MMP12: variants seen among roughly 807,000 people sequenced by gnomAD.
The protein encoded by MMP12 is macrophage metalloelastase.
In MMP12, 51 loss-of-function variants were observed where a neutral mutation model predicts 45.2. The ratio of observed to expected loss-of-function variants is 1.13; its 90% CI spans 0.90 to 1.42. The LOEUF is 1.42. Ranked by LOEUF, MMP12 falls within the 40% of genes most tolerant of loss-of-function variation. The pLI is 0.00. For synonymous variants in MMP12, 210 were observed against 193.3 expected, an observed-to-expected ratio of 1.09 and a Z score of -0.72; for missense variants, 530 against 570.8, an observed-to-expected ratio of 0.93 and a Z score of 0.73.
At chr11:102,867,490 C>A in intron 5 of MMP12, 97 bp from the exon 6 acceptor site, 1 of 1,165,124 alleles carries the variant, frequency 8.6e-7, no homozygotes, top group Non-Finnish European at 1.2e-6. Flanking sequence ...TCTTAATGAA[C>A]ATTGCATCAA....
chr11:102,863,147 G>A lies in MMP12; in HGVS notation c.1366C>T (p.Gln456Ter). The A allele has an allele frequency of 6.2e-7, 1 of 1,611,754 alleles. No individual in the cohort carries two copies. The highest frequency in any genetic ancestry group is 8.5e-7 in the Non-Finnish European group (1 of 1,178,828). ...CTTTTCAGTGTTTTGGTGATACGTT[G>A]GAGTAGGAAGTCATATTCAAATTGG... is the stretch of plus-strand genomic sequence containing the variant. ...SNQFEYDFLLQRITKTLKSNS... is the reference protein window; with the variant it reads ...SNQFEYDFLL The change falls in exon 10 of 10, where the codon CAA (glutamine) becomes TAA (stop). Residue 456 changes from glutamine to a stop codon, truncating the protein, a stop_gained. Transcript: ENST00000571244. LOFTEE classifies it high-confidence loss of function.
At position 102,862,763 on chromosome 11, in the gene MMP12, A is replaced by T. The variant is rs1859315366; in HGVS notation, c.*337T>A. The T allele has an allele frequency of 6.2e-6, 1 of 162,590 alleles. No homozygotes were observed. The highest frequency in any genetic ancestry group is 2.4e-5 in the African/African-American group (1 of 41,878). 10.1% of individuals were successfully genotyped at this position (162,590 alleles called of 1,614,324 possible). A position where few individuals can be genotyped will look rare whatever the true frequency, so the allele number is the denominator to read the frequency against. ...TTTTTTTCAATTTTATTTGAGCCAA[A>T]ATATATATACTTAATTTTAGTTATG... On this transcript the variant is annotated 3_prime_UTR_variant, in exon 10 of 10. Transcript: ENST00000571244.
intron 4 of MMP12, among the ~76,000 whole-genome samples, chr11:102,871,001 A>T (rs1180466118): frequency 1.3e-5 from 2 of 152,172 alleles, no homozygotes; most frequent in Non-Finnish European, 2.9e-5. Context: ...GGCTGCCTGC[A>T]ATCTTAACAC....
At chr11:102,864,532 C>T (rs1859351244) in intron 8 of MMP12, among the ~76,000 whole-genome samples, 1 of 152,118 alleles carries the variant, frequency 6.6e-6, no homozygotes, top group Admixed American at 6.5e-5. Flanking sequence ...GGTGATTTGG[C>T]AACAGCATAG....
In MMP12 at chr11:102,867,413, A is replaced by T; in HGVS notation, c.788-20T>A. The T allele has an allele frequency of 1.9e-6, 3 of 1,591,794 alleles. No homozygotes were observed. In the East Asian group the frequency reaches 6.7e-5, roughly 36 times the overall value. On this transcript the variant is annotated intron_variant, in intron 5 of 9. Coordinates refer to ENST00000571244, the MANE Select transcript of MMP12 (RefSeq NM_002426.6). The stretch of plus-strand genomic sequence containing the variant: ...GGTCTCCTGAAAATACATTTCGAGA[A>T]GCATTAGTAAACAAAATCTGCATTG...
chr11:102,874,285 G>A (rs967622370), intron 1 of MMP12, among the ~76,000 whole-genome samples: 4 of 151,922 alleles, frequency 2.6e-5, no homozygotes, highest in East Asian at 1.9e-4. Flanking sequence ...GGTGGCTCCC[G>A]CCTGTAATCC....
intron 6 of MMP12, 48 bp downstream of exon 6, chr11:102,867,222 T>G (rs1859405322): frequency 6.8e-7 from 1 of 1,470,840 alleles, no homozygotes. Context: ...ACAAAAAAAA[T>G]TTAAAGGCAG....
At position 102,867,207 on chromosome 11, in the gene MMP12, T is replaced by G. The variant is rs200924525; in HGVS notation, c.911+63A>C. 1.9e-5 allele frequency: 27 copies of G among 1,415,014 alleles called. No homozygotes were observed. In the East Asian group the frequency reaches 6.8e-4, roughly 36 times the overall value. 87.7% of individuals were successfully genotyped at this position (1,415,014 alleles called of 1,614,324 possible). A position where few individuals can be genotyped will look rare whatever the true frequency, so the allele number is the denominator to read the frequency against. ...TCATTTTCAATTATTTTCCACTGTT[T>G]TCTGACAAAAAAAATTTAAAGGCAG... On this transcript the variant is annotated intron_variant, in intron 6 of 9. Coordinates refer to ENST00000571244, the MANE Select transcript of MMP12 (RefSeq NM_002426.6).
Position 102,874,971 on chromosome 11 carries a change from G to C in MMP12, c.-34C>G, listed in dbSNP as rs782208782. ...TCTAAACGGATCAATTCAGTTTACT[G>C]TGTTCCTTTCTAGCCTAAGTTCCTG... is the stretch of plus-strand genomic sequence containing the variant. On this transcript the variant is annotated 5_prime_UTR_variant, in exon 1 of 10. Coordinates refer to ENST00000571244, the MANE Select transcript of MMP12 (RefSeq NM_002426.6). 3 of 1,406,884 alleles carry C rather than the reference G, an allele frequency of 2.1e-6. No individual in the cohort carries two copies. Among genetic ancestry groups the C allele is most frequent in the Admixed American group, 2.0e-5 (1 of 51,044 alleles). 87.2% of individuals were successfully genotyped at this position (1,406,884 alleles called of 1,614,324 possible). A position where few individuals can be genotyped will look rare whatever the true frequency, so the allele number is the denominator to read the frequency against.
In MMP12 at chr11:102,863,066, AG is replaced by A; in HGVS notation, c.*33del. 7.3e-7 allele frequency: 1 copy of A among 1,373,936 alleles called. No individual in the cohort carries two copies. Among genetic ancestry groups the A allele is most frequent in the East Asian group, 2.3e-5 (1 of 43,346 alleles). 85.1% of individuals were successfully genotyped at this position (1,373,936 alleles called of 1,614,324 possible). ...ATGCAATAAATACTTATTAAGCTGA[AG>A]TGAACTAACAAAAACCATTAATTAC... On this transcript the variant is annotated 3_prime_UTR_variant, in exon 10 of 10. Coordinates refer to ENST00000571244, the MANE Select transcript of MMP12 (RefSeq NM_002426.6).
At chr11:102,868,166 CTTTTACTTA>C in intron 4 of MMP12, 97 bp from the exon 5 acceptor site, 2 of 1,112,646 alleles carry the variant, frequency 1.8e-6, no homozygotes, top group Non-Finnish European at 2.6e-6. Flanking sequence ...ATTTGAGAAT[CTTTTACTTA>C]TTTCTTTACC....
At position 102,868,564 on chromosome 11, in the gene MMP12, G is replaced by A. The variant is rs946614509; in HGVS notation, c.626-495C>T. On this transcript the variant is annotated intron_variant, in intron 4 of 9. Transcript: ENST00000571244. ...ATAGAAAAAAATGTCTTTAGCAATC[G>A]TCTTTTCGTAAGCCCAAATATAAGG... is the stretch of plus-strand genomic sequence containing the variant. Among the ~76,000 whole-genome samples, 14 of 151,898 alleles carry A rather than the reference G, an allele frequency of 9.2e-5. 1 individual carries two copies. The highest frequency in any genetic ancestry group is 7.9e-4 in the Admixed American group (12 of 15,236).
intron 4 of MMP12, 153 bp downstream of exon 4, chr11:102,871,441 G>A (rs1859493303): frequency 1.8e-6 from 1 of 560,404 alleles, no homozygotes; most frequent in Non-Finnish European, 2.3e-6. Flanking sequence ...TGATTTAGAG[G>A]CAAAATTATA....
At chr11:102,866,678 T>G (rs1010518021) in intron 6 of MMP12, among the ~76,000 whole-genome samples, 4 of 152,168 alleles carry the variant, frequency 2.6e-5, no homozygotes. Context: ...ACCCTGGAGC[T>G]TGGAATCCAG....
intron 1 of MMP12, 80 bp downstream of exon 1, chr11:102,874,756 C>G: frequency 1.0e-6 from 1 of 979,200 alleles, no homozygotes. Context: ...AACAAACAAA[C>G]AAACAAACAA....
intron 4 of MMP12, among the ~76,000 whole-genome samples, chr11:102,869,013 A>G (rs539255427): frequency 6.6e-6 from 1 of 152,172 alleles, no homozygotes; most frequent in Non-Finnish European, 1.5e-5. Context: ...ATCCTTGTTC[A>G]TTTTTGTGTT....
chr11:102,868,216 T>G, intron 4 of MMP12, 147 bp from the exon 5 acceptor site: 1 of 708,290 alleles, frequency 1.4e-6, no homozygotes, highest in Non-Finnish European at 2.3e-6. Context: ...ATCTCAGCAC[T>G]TCTGACATTA....
At chr11:102,868,165 T>C in intron 4 of MMP12, 96 bp from the exon 5 acceptor site, 1 of 1,114,292 alleles carries the variant, frequency 9.0e-7, no homozygotes, top group Non-Finnish European at 1.3e-6. Flanking sequence ...GATTTGAGAA[T>C]CTTTTACTTA....
chr11:102,867,627 T>G (rs1555008768), intron 5 of MMP12, among the ~76,000 whole-genome samples: 1 of 152,148 alleles, frequency 6.6e-6, no homozygotes, highest in East Asian at 1.9e-4. Context: ...TATAATAGAT[T>G]GTTTAATGTG....
Sources: gnomAD v4.1 joint callset for allele counts (sites outside exome capture counted in the v4.1 genomes callset) on GRCh38, gnomAD v4.1.1 for gene constraint, MANE v1.5 for transcripts, NCBI Gene and HGNC (gene_info 2026-07-23, HGNC 2026-07-21) for gene names.